AKT3: variants seen among roughly 807,000 people sequenced by gnomAD.
The protein encoded by AKT3 is RAC-gamma serine/threonine-protein kinase.
In AKT3, 15 loss-of-function variants were observed where a neutral mutation model predicts 65.3. That is an observed-to-expected ratio of 0.23 (90% confidence interval 0.15 to 0.35). The LOEUF (loss-of-function observed/expected upper bound fraction) is 0.35. Ranked by LOEUF, AKT3 falls within the 10% of genes least tolerant of loss-of-function variation. The pLI is 1.00. For synonymous variants in AKT3, 206 were observed against 183.8 expected (o/e 1.12, Z -0.98); for missense variants, 243 against 576.5 (o/e 0.42, Z 5.92).
At chr1:243,785,024 C>T (rs1171131781) in intron 2 of AKT3, among the ~76,000 whole-genome samples, 2 of 151,420 alleles carry the variant, frequency 1.3e-5, no homozygotes, top group Admixed American at 6.6e-5. Context: ...CAGCCTCCCC[C>T]GTAGCTGGGA....
At chr1:243,626,104 G>A (rs564967803) in intron 6 of AKT3, among the ~76,000 whole-genome samples, 1 of 152,278 alleles carries the variant, frequency 6.6e-6, no homozygotes, top group East Asian at 1.9e-4. Flanking sequence ...TAAATACTGT[G>A]ACTGAAGGGG....
intron 8 of AKT3, among the ~76,000 whole-genome samples, chr1:243,582,923 C>A (rs749843472): frequency 6.6e-6 from 1 of 150,954 alleles, no homozygotes; most frequent in Non-Finnish European, 1.5e-5. Flanking sequence ...AAAGAGCTAC[C>A]ACACTAATGG....
At chr1:243,738,309 C>G (rs575092719) in intron 2 of AKT3, among the ~76,000 whole-genome samples, 1 of 152,264 alleles carries the variant, frequency 6.6e-6, no homozygotes, top group African/African-American at 2.4e-5. Context: ...GTCTAACAAG[C>G]CAGAGACTAA....
intron 2 of AKT3, among the ~76,000 whole-genome samples, chr1:243,809,246 A>C (rs1428282524): frequency 2.0e-5 from 3 of 152,228 alleles, no homozygotes; most frequent in South Asian, 2.1e-4. Context: ...CAAATTGGAT[A>C]AACAGTCAAG....
chr1:243,735,461 A>G (rs1389549566), intron 2 of AKT3: 1 of 152,230 alleles, frequency 6.6e-6, no homozygotes, highest in Non-Finnish European at 1.5e-5. Flanking sequence ...TTCTAAAAAT[A>G]TCATCTAAGT....
intron 2 of AKT3, among the ~76,000 whole-genome samples, chr1:243,742,065 A>C (rs1688190139): frequency 6.6e-6 from 1 of 151,004 alleles, no homozygotes; most frequent in African/African-American, 2.4e-5. Flanking sequence ...AAATTAAAAA[A>C]AAAAAAAAAA....
intron 2 of AKT3, among the ~76,000 whole-genome samples, chr1:243,745,093 G>A (rs1452096538): frequency 6.6e-6 from 1 of 151,992 alleles, no homozygotes; most frequent in Non-Finnish European, 1.5e-5. Context: ...ATTTTTTTGG[G>A]GTGGGGAGGC....
At chr1:243,492,336 C>T (rs374178204) in intron 13 of AKT3, among the ~76,000 whole-genome samples, 3 of 110,198 alleles carry the variant, frequency 2.7e-5, no homozygotes, top group African/African-American at 1.1e-4. Context: ...GAGTCTTGCT[C>T]CGTCACCCGG....
At chr1:243,587,430 G>C (rs1171725765) in intron 8 of AKT3, among the ~76,000 whole-genome samples, 2 of 152,068 alleles carry the variant, frequency 1.3e-5, no homozygotes, top group Non-Finnish European at 2.9e-5. Context: ...TGGCAACACA[G>C]CGAAACCCCG....
intron 8 of AKT3, among the ~76,000 whole-genome samples, chr1:243,592,143 G>A (rs1017897717): frequency 2.0e-5 from 3 of 152,060 alleles, no homozygotes; most frequent in African/African-American, 4.8e-5. Flanking sequence ...AGACCATCCT[G>A]GCTAACATGG....
intron 3 of AKT3, among the ~76,000 whole-genome samples, chr1:243,688,534 A>G (rs970317682): frequency 6.6e-6 from 1 of 152,278 alleles, no homozygotes. Flanking sequence ...AGAAAAGATA[A>G]TATTTGAAGG....
chr1:243,722,066 G>GA (rs1326246740), intron 2 of AKT3, among the ~76,000 whole-genome samples: 3 of 152,114 alleles, frequency 2.0e-5, no homozygotes, highest in African/African-American at 7.2e-5. Context: ...TTTTGGCTAT[G>GA]AATACATTTC....
chr1:243,789,764 T>C (rs537207435), intron 2 of AKT3, among the ~76,000 whole-genome samples: 28 of 152,342 alleles, frequency 1.8e-4, no homozygotes, highest in African/African-American at 6.7e-4. Flanking sequence ...AATGTATTTC[T>C]TAAATAATAA....
chr1:243,661,794 A>G (rs1269434571), intron 4 of AKT3, among the ~76,000 whole-genome samples: 9 of 149,714 alleles, frequency 6.0e-5, no homozygotes, highest in South Asian at 2.1e-4. Flanking sequence ...GAAAATTTTC[A>G]CAACCTACTC....
chr1:243,615,256 G>A lies in AKT3; in HGVS notation c.562-95C>T, dbSNP rs139620097. The A allele has an allele frequency of 1.2e-3, 1,100 of 937,372 alleles. 6 individuals are homozygous for A. The African/African-American group carries it at 0.017, about 14-fold the overall frequency. The allele number at this position is 937,372 out of a possible 1,614,324, so 58.1% of individuals were successfully genotyped here. ...CTAAAATTGGAAGAGGTTAAGCCCA[G>A]AGATTGAAAAGGATTTTAAAACACA... On this transcript the variant is annotated intron_variant, in intron 6 of 13. Coordinates refer to ENST00000673466, the MANE Select transcript of AKT3 (RefSeq NM_005465.7).
At chr1:243,760,363 G>C (rs1040393815) in intron 2 of AKT3, among the ~76,000 whole-genome samples, 1 of 128,438 alleles carries the variant, frequency 7.8e-6, no homozygotes, top group Non-Finnish European at 1.5e-5. Context: ...CTAGTCTCAA[G>C]TGATCCTCCA....
chr1:243,662,529 G>A (rs1682438945), intron 4 of AKT3, among the ~76,000 whole-genome samples: 1 of 140,980 alleles, frequency 7.1e-6, no homozygotes, highest in South Asian at 2.3e-4. Flanking sequence ...ACACAGGAAG[G>A]GGAACATCAC....
intron 2 of AKT3, among the ~76,000 whole-genome samples, chr1:243,700,000 A>G (rs1161163775): frequency 2.0e-5 from 3 of 152,190 alleles, no homozygotes; most frequent in Non-Finnish European, 4.4e-5. Flanking sequence ...AGTGAGTGTG[A>G]ACCTGCTGAC....
intron 9 of AKT3, among the ~76,000 whole-genome samples, chr1:243,570,238 T>C (rs1558622438): frequency 6.6e-6 from 1 of 152,234 alleles, no homozygotes; most frequent in Non-Finnish European, 1.5e-5. Flanking sequence ...GCTGCTACTG[T>C]AGGCATAGCA....
Sources: allele counts gnomAD v4.1 joint callset (sites outside exome capture counted in the v4.1 genomes callset), GRCh38; gene constraint gnomAD v4.1.1; transcripts MANE v1.5; gene names NCBI Gene and HGNC (gene_info 2026-07-23, HGNC 2026-07-21).